The following LINC00305 variants were observed in gnomAD, a reference collection of about 807,000 sequenced individuals.
The protein encoded by LINC00305 is long intergenic non-protein coding RNA 305.
At chr18:64,144,680 GA>G (rs2051488376) in intron 1 of LINC00305, among the ~76,000 whole-genome samples, 1 of 151,922 alleles carries the variant, frequency 6.6e-6, no homozygotes, top group Non-Finnish European at 1.5e-5. Context: ...AGTGTAGGGA[GA>G]CCCCCTGAAA....
At chr18:64,080,508 A>G (rs1212627662) in intron 3 of LINC00305, 1 of 231,774 alleles carries the variant, frequency 4.3e-6, no homozygotes, top group Non-Finnish European at 8.9e-6. Context: ...TAAATTTTAG[A>G]ATACTTTAAA....
intron 3 of LINC00305, among the ~76,000 whole-genome samples, chr18:64,088,467 C>A (rs1457337422): frequency 6.6e-6 from 1 of 152,234 alleles, no homozygotes; most frequent in Non-Finnish European, 1.5e-5. Context: ...ACCTCTCAAT[C>A]TAGCTCTTTA....
chr18:64,120,256 A>G (rs138155038), intron 1 of LINC00305, among the ~76,000 whole-genome samples: 3 of 152,196 alleles, frequency 2.0e-5, no homozygotes, highest in African/African-American at 7.2e-5. Context: ...CTCTTCTTCC[A>G]TCCTCTCTCT....
chr18:64,114,143 G>A (rs145802180), intron 1 of LINC00305, among the ~76,000 whole-genome samples: 7 of 152,116 alleles, frequency 4.6e-5, no homozygotes, highest in Non-Finnish European at 8.8e-5. Context: ...GGTGGCGGGC[G>A]CCTGCAGTCC....
At chr18:64,132,741 GA>G (rs1438003840) in intron 1 of LINC00305, among the ~76,000 whole-genome samples, 1 of 152,188 alleles carries the variant, frequency 6.6e-6, no homozygotes, top group Non-Finnish European at 1.5e-5. Context: ...GCAGAGAAGA[GA>G]AGGTCTTGGT....
chr18:64,099,020 A>AT (rs1290418088), intron 1 of LINC00305, among the ~76,000 whole-genome samples: 1 of 152,180 alleles, frequency 6.6e-6, no homozygotes, highest in Non-Finnish European at 1.5e-5. Context: ...CAGAGAGGAT[A>AT]TAGAGGGATA....
intron 1 of LINC00305, among the ~76,000 whole-genome samples, chr18:64,124,907 C>T (rs888313873): frequency 6.6e-6 from 1 of 152,114 alleles, no homozygotes; most frequent in Non-Finnish European, 1.5e-5. Flanking sequence ...GGAAGTCTAA[C>T]ACCAAATTCA....
intron 3 of LINC00305, among the ~76,000 whole-genome samples, chr18:64,084,527 A>C (rs549101403): frequency 3.9e-5 from 6 of 152,260 alleles, no homozygotes; most frequent in Non-Finnish European, 7.3e-5. Context: ...TCTTTTCTTT[A>C]GCCTTCATAT....
At chr18:64,114,978 C>G (rs1277842593) in intron 1 of LINC00305, among the ~76,000 whole-genome samples, 1 of 152,208 alleles carries the variant, frequency 6.6e-6, no homozygotes, top group Non-Finnish European at 1.5e-5. Context: ...ACCCTTCTCC[C>G]TTCTCCTCCC....
intron 3 of LINC00305, among the ~76,000 whole-genome samples, chr18:64,096,783 A>G (rs953571249): frequency 1.3e-5 from 2 of 151,976 alleles, no homozygotes; most frequent in African/African-American, 4.8e-5. Flanking sequence ...AAGTTAAAGA[A>G]CACAATAATA....
At chr18:64,096,507 T>C (rs1293768586) in intron 3 of LINC00305, among the ~76,000 whole-genome samples, 4 of 151,824 alleles carry the variant, frequency 2.6e-5, no homozygotes, top group African/African-American at 9.7e-5. Context: ...TACAGAAGTT[T>C]ATAGTGTATA....
chr18:64,090,585 C>G (rs2850720), intron 3 of LINC00305, among the ~76,000 whole-genome samples: 23,322 of 152,166 alleles, frequency 0.15, 1,809 homozygotes, highest in Non-Finnish European at 0.16. Flanking sequence ...CGATCACTTG[C>G]AGGACTTGGT....
intron 1 of LINC00305, chr18:64,098,687 C>T (rs2051256661): frequency 2.5e-6 from 1 of 406,066 alleles, no homozygotes; most frequent in East Asian, 7.3e-5. Flanking sequence ...GTGAATGCTG[C>T]AAAACACAAT....
chr18:64,091,047 C>G (rs1463558428), intron 3 of LINC00305, among the ~76,000 whole-genome samples: 2 of 152,182 alleles, frequency 1.3e-5, no homozygotes, highest in African/African-American at 4.8e-5. Context: ...CCCTGTCTTT[C>G]CCTTTTCTAC....
intron 3 of LINC00305, among the ~76,000 whole-genome samples, chr18:64,085,050 A>T (rs934443521): frequency 6.6e-6 from 1 of 152,206 alleles, no homozygotes; most frequent in African/African-American, 2.4e-5. Flanking sequence ...CTACGAAAAA[A>T]TTGTGGATGT....
rs1174321814 is a variant in LINC00305 at position 64,148,298 on chromosome 18, C to A, written n.314+477G>T. Among the ~76,000 whole-genome samples the A allele has an allele frequency of 3.9e-5, 6 of 152,058 alleles. No homozygotes were observed. In the East Asian group the frequency reaches 1.2e-3, roughly 29 times the overall value. ...TATAGTGACCAGAAGAAATTTCTTC[C>A]TCTGGGGTGCAAACTTCCCTTATCT... On this transcript the variant is annotated intron_variant and non_coding_transcript_variant, in intron 1 of 3. Transcript: ENST00000666468.
At chr18:64,125,262 A>G (rs1014942578) in intron 1 of LINC00305, among the ~76,000 whole-genome samples, 5 of 152,148 alleles carry the variant, frequency 3.3e-5, no homozygotes, top group Admixed American at 6.6e-5. Context: ...TTTAGCACTC[A>G]GCTTCTCAGT....
chr18:64,106,229 T>G (rs558792520), intron 1 of LINC00305, among the ~76,000 whole-genome samples: 1 of 152,320 alleles, frequency 6.6e-6, no homozygotes, highest in Admixed American at 6.5e-5. Context: ...CACCTCTGCT[T>G]AGCCTCTGAA....
chr18:64,099,220 G>A lies in LINC00305; in HGVS notation n.315-580C>T, dbSNP rs2676670. Among the ~76,000 whole-genome samples the A allele has an allele frequency of 7.8e-3, 1,187 of 152,250 alleles. 4 individuals are homozygous for A. The highest frequency in any genetic ancestry group is 0.014 in the Non-Finnish European group (927 of 67,996). On this transcript the variant is annotated intron_variant and non_coding_transcript_variant, in intron 1 of 3. Transcript: ENST00000666468. ...GAAACATTGTTTTAATGTTTTGTCT[G>A]TGTATTCTATGGTCCCTAAATATGG...
Sources: allele counts gnomAD v4.1 joint callset (sites outside exome capture counted in the v4.1 genomes callset), GRCh38; gene constraint gnomAD v4.1.1; transcripts MANE v1.5; gene names NCBI Gene and HGNC (gene_info 2026-07-23, HGNC 2026-07-21).